The following STRN4 variants were observed in gnomAD, a reference collection of about 807,000 sequenced individuals.
STRN4 encodes the protein striatin 4.
In STRN4, 27 loss-of-function variants were observed where a neutral mutation model predicts 77.9. The ratio of observed to expected loss-of-function variants is 0.35; its 90% CI spans 0.26 to 0.48. STRN4 has a LOEUF of 0.48. STRN4 is among the 20% of genes least tolerant of loss of function. The probability of loss-of-function intolerance (pLI) is 0.99; values close to 1 mark genes in which losing one functional copy is unlikely to be tolerated. For synonymous variants in STRN4, 466 were observed against 443.1 expected (o/e 1.05, Z -0.65); for missense variants, 798 against 1,049.7 (o/e 0.76, Z 3.31).
In STRN4 at chr19:46,733,220, C is replaced by T; in HGVS notation, c.556G>A (p.Gly186Ser). Reference protein sequence around the residue: ...QLLRQYLEEVGYTDTILDMRS... With the variant: ...QLLRQYLEEVSYTDTILDMRS... ...ATGTCGAGGATGGTGTCTGTGTAGCCCACCTCTTCCAGGTACCTGCAGGGG... is the reference window on the plus strand; with the variant it reads ...ATGTCGAGGATGGTGTCTGTGTAGCTCACCTCTTCCAGGTACCTGCAGGGG... The change falls in exon 5 of 18, where the codon GGC becomes AGC. Residue 186 changes from glycine to serine, a missense_variant. This residue lies in a region of STRN4 where 511 missense variants were observed against 575.9 expected (regional missense o/e 0.89). Transcript: ENST00000263280. The surrounding 1 kb of genome is among the most constrained non-coding windows in gnomAD (Gnocchi z 4.3). 1.9e-6 allele frequency: 3 copies of T among 1,610,388 alleles called. No individual in the cohort carries two copies. Among genetic ancestry groups the T allele is most frequent in the Non-Finnish European group, 1.7e-6 (2 of 1,179,950 alleles).
At position 46,738,537 on chromosome 19, in the gene STRN4, G is replaced by A. The variant is rs530939014; in HGVS notation, c.386+248C>T. Among the ~76,000 whole-genome samples the A allele has an allele frequency of 8.5e-5, 13 of 152,296 alleles. No homozygotes were observed. Among genetic ancestry groups the A allele is most frequent in the East Asian group, 3.9e-4 (2 of 5,190 alleles). On this transcript the variant is annotated intron_variant, in intron 2 of 17. Coordinates refer to ENST00000263280, the MANE Select transcript of STRN4 (RefSeq NM_013403.3). The surrounding 1 kb of genome is among the most constrained non-coding windows in gnomAD (Gnocchi z 4.5). ...GCTATTGGAAGGTATAAGGGATAAC[G>A]GAGGTAAGGACTATACGATATTTGG...
At chr19:46,734,374 G>A (rs1210423843) in intron 4 of STRN4, among the ~76,000 whole-genome samples, 1 of 152,096 alleles carries the variant, frequency 6.6e-6, no homozygotes, top group Non-Finnish European at 1.5e-5. Context: ...TATTGTTTTA[G>A]GGTTATTGTT....
At position 46,738,961 on chromosome 19, in the gene STRN4, C is replaced by A; in HGVS notation, c.283-73G>T. ...AATGCCGGTGTGTCTATCACTCACC[C>A]AGGTATAGTGCCAGCCCACAGTCAC... is the stretch of plus-strand genomic sequence containing the variant. On this transcript the variant is annotated intron_variant, in intron 1 of 17. Coordinates refer to ENST00000263280, the MANE Select transcript of STRN4 (RefSeq NM_013403.3). The surrounding 1 kb of genome is among the most constrained non-coding windows in gnomAD (Gnocchi z 4.5). 7.6e-7 allele frequency: 1 copy of A among 1,308,570 alleles called. No homozygotes were observed. Among genetic ancestry groups the A allele is most frequent in the Non-Finnish European group, 1.1e-6 (1 of 913,810 alleles). The allele number at this position is 1,308,570 out of a possible 1,614,324, so 81.1% of individuals were successfully genotyped here.
In STRN4 at chr19:46,725,341, C is replaced by T; in HGVS notation, c.1463G>A (p.Arg488Gln). Residue 488 changes from arginine to glutamine, a missense_variant, in exon 11 of 18, where the codon CGG becomes CAG. Arg to Gln is a conservative substitution (Grantham distance 43). Around this residue, in one of 2 missense-constraint regions of STRN4, gnomAD observed 287 missense variants for 473.8 expected, o/e 0.61. Transcript: ENST00000263280. ...AGGGGCACCTCCCTACCTGTGAGCC[C>T]GGAAAGCATGTATAGGTTCCACATC... ...ALDVEPIHAFRAHRGPVLAVA... is the reference protein window; with the variant it reads ...ALDVEPIHAFQAHRGPVLAVA... 1.2e-6 allele frequency: 2 copies of T among 1,614,134 alleles called. No homozygotes were observed. The highest frequency in any genetic ancestry group is 1.3e-5 in the African/African-American group (1 of 75,046).
At chr19:46,735,698 C>T (rs925305730) in intron 4 of STRN4, among the ~76,000 whole-genome samples, 1 of 152,216 alleles carries the variant, frequency 6.6e-6, no homozygotes, top group Non-Finnish European at 1.5e-5. Flanking sequence ...GGCGCGGTGG[C>T]TCACACCTAT....
intron 16 of STRN4, chr19:46,721,507 C>T (rs1379257697): frequency 2.1e-5 from 4 of 189,722 alleles, no homozygotes; most frequent in Non-Finnish European, 4.5e-5. Context: ...GCACTCACTG[C>T]AGGCCTCACC....
Position 46,733,186 on chromosome 19 carries a change from T to C in STRN4, c.590A>G (p.Lys197Arg), listed in dbSNP as rs1474837845. 6.2e-7 allele frequency: 1 copy of C among 1,611,354 alleles called. No individual in the cohort carries two copies. The highest frequency in any genetic ancestry group is 8.5e-7 in the Non-Finnish European group (1 of 1,180,016). ...GCGGCCCAGCAGGGAACGGACGCGC[T>C]TGGACCGCATGTCGAGGATGGTGTC... The part of the protein sequence containing the change: ...YTDTILDMRS[K>R]RVRSLLGRSL... The change falls in exon 5 of 18, where the codon AAG becomes AGG. Residue 197 changes from lysine to arginine, a missense_variant. Transcript: ENST00000263280. This position sits in a 1 kb window ranked among gnomAD's most constrained non-coding sequence, Gnocchi z 4.3.
rs756204969 is a variant in STRN4, at chr19:46,733,074, C to T, written c.702G>A (p.Ser234=). ...GCTCCTCGATCTGTTTCACCAGCAG[C>T]GACTCCCCACCACTGAGCCCTGCAG... The part of the protein sequence containing the change: ...PGPAGLSGGE[S]LLVKQIEEQI... The change falls in exon 5 of 18, where the codon TCG becomes TCA. Residue 234 remains serine (S), a synonymous_variant. Transcript: ENST00000263280. This position sits in a 1 kb window ranked among gnomAD's most constrained non-coding sequence, Gnocchi z 4.3. The T allele has an allele frequency of 2.9e-5, 47 of 1,612,778 alleles. 1 individual carries two copies. Among genetic ancestry groups the T allele is most frequent in the South Asian group, 2.7e-4 (25 of 91,048 alleles).
intron 12 of STRN4, among the ~76,000 whole-genome samples, chr19:46,724,459 C>A (rs1040529352): frequency 6.6e-6 from 1 of 152,210 alleles, no homozygotes; most frequent in African/African-American, 2.4e-5. Context: ...CGGATCCCCA[C>A]ACACAGAGTA....
In STRN4 at chr19:46,728,622, C is replaced by A; in HGVS notation, c.1035G>T (p.Glu345Asp). 6.2e-7 allele frequency: 1 copy of A among 1,613,070 alleles called. No individual in the cohort carries two copies. Among genetic ancestry groups the A allele is most frequent in the South Asian group, 1.1e-5 (1 of 91,066 alleles). Residue 345 changes from glutamate to aspartate, a missense_variant, in exon 7 of 18, where the codon GAG (glutamate) becomes GAT (aspartate). Physicochemically the swap from Glu to Asp is conservative, Grantham distance 45. This residue lies in a region of STRN4 where 511 missense variants were observed against 575.9 expected (regional missense o/e 0.89). Transcript: ENST00000263280. ...RRCTVDGSPHELESRRVKLQG... is the reference protein window; with the variant it reads ...RRCTVDGSPHDLESRRVKLQG... ...GGCCAGAAAACGTCAGCTCACCCAG[C>A]TCATGGGGGCTCCCATCCACAGTGC...
At position 46,738,084 on chromosome 19, in the gene STRN4, G is replaced by A; in HGVS notation, c.460+80C>T. 1.4e-6 allele frequency: 2 copies of A among 1,403,128 alleles called. No individual in the cohort carries two copies. Among genetic ancestry groups the A allele is most frequent in the African/African-American group, 2.8e-5 (2 of 70,634 alleles). 86.9% of individuals were successfully genotyped at this position (1,403,128 alleles called of 1,614,324 possible). A position where few individuals can be genotyped will look rare whatever the true frequency, so the allele number is the denominator to read the frequency against. Reference sequence around the variant, plus strand: ...TTCTAAGGAGCAAAGTGAGAAAGAGGCACCCCATCTTCCTGCTTCTCCAGA... The same window carrying A: ...TTCTAAGGAGCAAAGTGAGAAAGAGACACCCCATCTTCCTGCTTCTCCAGA... On this transcript the variant is annotated intron_variant, in intron 3 of 17. Coordinates refer to ENST00000263280, the MANE Select transcript of STRN4 (RefSeq NM_013403.3). The surrounding 1 kb of genome is among the most constrained non-coding windows in gnomAD (Gnocchi z 4.5).
At chr19:46,730,545 G>A (rs1414236198) in intron 6 of STRN4, among the ~76,000 whole-genome samples, 187 bp downstream of exon 6, 1 of 152,186 alleles carries the variant, frequency 6.6e-6, no homozygotes. Context: ...ACCACAACGC[G>A]TCCTTCTGCA....
intron 9 of STRN4, 123 bp downstream of exon 9, chr19:46,727,329 C>T: frequency 1.2e-6 from 1 of 814,996 alleles, no homozygotes; most frequent in South Asian, 1.7e-5. Flanking sequence ...CCACTGTCTA[C>T]ATCTGCACCC....
chr19:46,746,106 G>T, intron 1 of STRN4, 43 bp downstream of exon 1: 4 of 1,442,804 alleles, frequency 2.8e-6, no homozygotes, highest in Non-Finnish European at 3.6e-6. Flanking sequence ...GCCGGGCCGG[G>T]CCGGGCCGGG....
At chr19:46,735,364 G>A (rs945420383) in intron 4 of STRN4, among the ~76,000 whole-genome samples, 4 of 152,166 alleles carry the variant, frequency 2.6e-5, no homozygotes, top group Non-Finnish European at 5.9e-5. Flanking sequence ...TGAGCAGTGT[G>A]GCTCATGCCT....
rs995453733 is a variant in STRN4 at position 46,721,793 on chromosome 19, T to A, written c.2092+193A>T. Reference sequence around the variant, plus strand: ...GCTGCTTAGAGGCCGAATGAGACGATGCAGCTCCAGTGACCCAGAGGAGGG... The same window carrying A: ...GCTGCTTAGAGGCCGAATGAGACGAAGCAGCTCCAGTGACCCAGAGGAGGG... On this transcript the variant is annotated intron_variant, in intron 16 of 17. Coordinates refer to ENST00000263280, the MANE Select transcript of STRN4 (RefSeq NM_013403.3). 8 of 587,920 alleles carry A rather than the reference T, an allele frequency of 1.4e-5. No individual in the cohort carries two copies. The Admixed American group carries it at 1.5e-4, about 11-fold the overall frequency. The allele number at this position is 587,920 out of a possible 1,614,324, so 36.4% of individuals were successfully genotyped here.
rs550466376 is a variant in STRN4 at position 46,737,023 on chromosome 19, T to C, written c.461-122A>G. On this transcript the variant is annotated intron_variant, in intron 3 of 17. Transcript: ENST00000263280. The stretch of plus-strand genomic sequence containing the variant: ...ACTGTCGCAGGTCCTGTGGCATCAC[T>C]TCCTGAGTGTTGGAACCCTGCTCTC... The C allele has an allele frequency of 4.8e-6, 4 of 837,862 alleles. No individual in the cohort carries two copies. The Admixed American group carries it at 7.2e-5, about 15-fold the overall frequency. 51.9% of individuals were successfully genotyped at this position (837,862 alleles called of 1,614,324 possible). A position where few individuals can be genotyped will look rare whatever the true frequency, so the allele number is the denominator to read the frequency against.
At position 46,746,381 on chromosome 19, in the gene STRN4, C is replaced by CAGG. The variant is rs1253625063; in HGVS notation, c.47_49dup (p.Ser16dup). The CAGG allele has an allele frequency of 8.9e-7, 1 of 1,117,666 alleles. No individual in the cohort carries two copies. Among genetic ancestry groups the CAGG allele is most frequent in the Non-Finnish European group, 1.1e-6 (1 of 916,918 alleles). 69.2% of individuals were successfully genotyped at this position (1,117,666 alleles called of 1,614,324 possible). ...GCCCGCGCCTGAGCCGAGCGGACGGCAGGAGGAGGCGGCGGCGGCGACCGC... is the reference window on the plus strand; with the variant it reads ...GCCCGCGCCTGAGCCGAGCGGACGGCAGGAGGAGGAGGCGGCGGCGGCGACCGC... On this transcript the variant is annotated inframe_insertion, in exon 1 of 18. Coordinates refer to ENST00000263280, the MANE Select transcript of STRN4 (RefSeq NM_013403.3).
chr19:46,744,517 G>A (rs2054537183), intron 1 of STRN4, among the ~76,000 whole-genome samples: 1 of 152,040 alleles, frequency 6.6e-6, no homozygotes, highest in Non-Finnish European at 1.5e-5. Flanking sequence ...CTGAGTAGCT[G>A]GGACTACAGG....
Sources: allele counts gnomAD v4.1 joint callset (sites outside exome capture counted in the v4.1 genomes callset), GRCh38; gene constraint gnomAD v4.1.1; regional missense constraint gnomAD v4.1.1; non-coding constraint Gnocchi (gnomAD v3.1); transcripts MANE v1.5; gene names NCBI Gene and HGNC (gene_info 2026-07-23, HGNC 2026-07-21).